PDE11A: variants seen among roughly 807,000 people sequenced by gnomAD.
PDE11A encodes the protein phosphodiesterase 11A, also known as dual 3',5'-cyclic-AMP and -GMP phosphodiesterase 11A.
Under a neutral mutation model 100.5 loss-of-function variants are expected in PDE11A, and 100 were observed. That is an observed-to-expected ratio of 1.00 (90% confidence interval 0.85 to 1.18). The LOEUF (loss-of-function observed/expected upper bound fraction) is 1.18. Ranked by LOEUF, PDE11A falls within the 50% of genes most tolerant of loss-of-function variation. PDE11A has a pLI of 0.00. For synonymous variants in PDE11A, 381 were observed against 420.8 expected, an observed-to-expected ratio of 0.91 and a Z score of 1.16; for missense variants, 1,141 against 1,152.6, an observed-to-expected ratio of 0.99 and a Z score of 0.15.
chr2:177,805,589 G>C (rs573467767), intron 9 of PDE11A, among the ~76,000 whole-genome samples: 1 of 152,234 alleles, frequency 6.6e-6, no homozygotes, highest in African/African-American at 2.4e-5. Flanking sequence ...TCATGTTCTT[G>C]AACCTGTTTT....
At chr2:177,872,518 T>C (rs2084154038) in intron 5 of PDE11A, among the ~76,000 whole-genome samples, 1 of 152,180 alleles carries the variant, frequency 6.6e-6, no homozygotes, top group Non-Finnish European at 1.5e-5. Flanking sequence ...CAAAACTGGT[T>C]ATTATTTAAA....
intron 2 of PDE11A, among the ~76,000 whole-genome samples, chr2:178,095,614 T>C (rs2087478998): frequency 6.6e-6 from 1 of 152,232 alleles, no homozygotes; most frequent in African/African-American, 2.4e-5. Context: ...AATGCCCCAG[T>C]AGGGACTCTG....
chr2:177,629,754 C>T (rs888879588), intron 19 of PDE11A, among the ~76,000 whole-genome samples, 192 bp from the exon 20 acceptor site: 1 of 152,070 alleles, frequency 6.6e-6, no homozygotes, highest in Non-Finnish European at 1.5e-5. Context: ...ATTAATAGAG[C>T]CTACTTAGAG....
At chr2:177,836,190 AC>A (rs1368014567) in intron 6 of PDE11A, among the ~76,000 whole-genome samples, 1 of 152,240 alleles carries the variant, frequency 6.6e-6, no homozygotes, top group Non-Finnish European at 1.5e-5. Flanking sequence ...TTGTAAATAC[AC>A]CAATCAGCAC....
intron 2 of PDE11A, among the ~76,000 whole-genome samples, chr2:178,093,196 C>T (rs2105884664): frequency 6.6e-6 from 1 of 152,268 alleles, no homozygotes; most frequent in Middle Eastern, 3.4e-3. Flanking sequence ...TTAGGGTCTT[C>T]TATGGTAAAC....
At chr2:177,917,528 G>A (rs1264091076) in intron 2 of PDE11A, among the ~76,000 whole-genome samples, 1 of 152,078 alleles carries the variant, frequency 6.6e-6, no homozygotes, top group East Asian at 1.9e-4. Flanking sequence ...TAAAATGTAA[G>A]GTATAAATAT....
At chr2:177,845,079 C>G (rs1484476732) in intron 5 of PDE11A, among the ~76,000 whole-genome samples, 1 of 152,080 alleles carries the variant, frequency 6.6e-6, no homozygotes, top group East Asian at 1.9e-4. Flanking sequence ...GGGTGGTGGC[C>G]GGGCAGAGGG....
chr2:177,797,955 A>G (rs559505000), intron 9 of PDE11A, among the ~76,000 whole-genome samples: 1 of 152,344 alleles, frequency 6.6e-6, no homozygotes, highest in South Asian at 2.1e-4. Flanking sequence ...CACTGCTTTT[A>G]GAATCAAGTT....
intron 15 of PDE11A, among the ~76,000 whole-genome samples, chr2:177,682,607 C>G (rs923897031): frequency 2.6e-5 from 4 of 152,224 alleles, no homozygotes; most frequent in African/African-American, 9.6e-5. Context: ...TTAAGAATCA[C>G]TTCCCAAGTT....
rs1311337199 is a variant in PDE11A, at chr2:177,898,130, T to C, written c.1230A>G (p.Ile410Met). The change falls in exon 4 of 20, where the codon ATA becomes ATG. Residue 410 changes from isoleucine to methionine, a missense_variant. Transcript: ENST00000286063. Reference protein sequence around the residue: ...QTDLEKIVKKIMHRAQTLLKC... With the variant: ...QTDLEKIVKKMMHRAQTLLKC... ...TCAGCAGAGTTTGGGCCCGATGCAT[T>C]ATTTTCTTGACAATTTTCTCCAGGT... is the stretch of plus-strand genomic sequence containing the variant. The C allele has an allele frequency of 7.5e-6, 12 of 1,610,714 alleles. No homozygotes were observed. The highest frequency in any genetic ancestry group is 1.0e-5 in the Non-Finnish European group (12 of 1,177,002).
At chr2:178,104,221 G>T in intron 2 of PDE11A, 1 of 1,372,098 alleles carries the variant, frequency 7.3e-7, no homozygotes, top group Non-Finnish European at 1.0e-6. Context: ...TGCAAATTAG[G>T]AAATTATTAT....
chr2:177,838,310 C>A (rs1028426143), intron 6 of PDE11A, among the ~76,000 whole-genome samples: 2 of 152,120 alleles, frequency 1.3e-5, no homozygotes, highest in African/African-American at 4.8e-5. Flanking sequence ...AATGAAAAAT[C>A]TTACAACTAC....
intron 2 of PDE11A, among the ~76,000 whole-genome samples, chr2:177,964,359 T>C (rs2085671782): frequency 6.6e-6 from 1 of 152,218 alleles, no homozygotes; most frequent in Non-Finnish European, 1.5e-5. Flanking sequence ...ATGTATTTAC[T>C]ACTTAACTCT....
intron 2 of PDE11A, among the ~76,000 whole-genome samples, chr2:178,004,433 C>G (rs981716013): frequency 7.2e-5 from 11 of 152,164 alleles, no homozygotes; most frequent in Admixed American, 5.2e-4. Flanking sequence ...AAGAAGCAAC[C>G]TTGCTCTTTT....
At chr2:178,060,712 T>C (rs914900799) in intron 1 of PDE11A, among the ~76,000 whole-genome samples, 1 of 152,176 alleles carries the variant, frequency 6.6e-6, no homozygotes, top group African/African-American at 2.4e-5. Context: ...GAATAAACTT[T>C]GTTCACTTAA....
intron 9 of PDE11A, among the ~76,000 whole-genome samples, chr2:177,804,177 A>T (rs2082832991): frequency 6.6e-6 from 1 of 152,066 alleles, no homozygotes. Flanking sequence ...AACAACCCAC[A>T]GAATGGGCAA....
At chr2:178,088,722 G>A (rs955293827) in intron 2 of PDE11A, among the ~76,000 whole-genome samples, 5 of 152,112 alleles carry the variant, frequency 3.3e-5, no homozygotes, top group African/African-American at 7.2e-5. Flanking sequence ...ATTTTTGTGG[G>A]TATGCTATCA....
intron 9 of PDE11A, among the ~76,000 whole-genome samples, chr2:177,806,035 T>G (rs993207286): frequency 2.6e-5 from 4 of 152,070 alleles, no homozygotes; most frequent in Non-Finnish European, 4.4e-5. Context: ...ATAGAGCAAC[T>G]CCTAAAAGGA....
At chr2:178,094,677 A>AT (rs1211682728) in intron 2 of PDE11A, among the ~76,000 whole-genome samples, 1 of 152,158 alleles carries the variant, frequency 6.6e-6, no homozygotes, top group Non-Finnish European at 1.5e-5. Context: ...GTTCTAGTCT[A>AT]TTTTCACACT....
Sources: gnomAD v4.1 joint callset for allele counts (sites outside exome capture counted in the v4.1 genomes callset) on GRCh38, gnomAD v4.1.1 for gene constraint, MANE v1.5 for transcripts, NCBI Gene and HGNC (gene_info 2026-07-23, HGNC 2026-07-21) for gene names.